Variants in DNAH9 observed in about 807,000 individuals in gnomAD.
DNAH9 encodes DNAH9 variant protein.
DNAH9 carries 345 observed loss-of-function variants against 471.6 expected under a neutral mutation model. The observed-to-expected ratio is 0.73, with a 90% CI of 0.67 to 0.80. The LOEUF is 0.80. DNAH9 is among the 30% of genes least tolerant of loss of function. The pLI is 0.00. For missense variants in DNAH9, 5,407 were observed against 5,609.2 expected (o/e 0.96, Z 1.15); for synonymous variants, 2,093 against 2,123.6 (o/e 0.99, Z 0.40).
At position 11,826,709 on chromosome 17, in the gene DNAH9, G is replaced by A. The variant is rs146282732; in HGVS notation, c.9246+3675G>A. ...GATCTCCTGACCTCGTGATCCGCCC[G>A]CCTCGGCGTCCCAAAGTGCTGGGAT... On this transcript the variant is annotated intron_variant, in intron 48 of 68. Transcript: ENST00000262442. 8.9e-3 allele frequency among the ~76,000 whole-genome samples: 1,348 copies of A among 151,116 alleles called. 10 individuals carry two copies. The highest frequency in any genetic ancestry group is 0.02 in the African/African-American group (836 of 41,210).
intron 50 of DNAH9, among the ~76,000 whole-genome samples, chr17:11,867,359 G>A (rs568237620): frequency 3.3e-5 from 5 of 152,076 alleles, no homozygotes; most frequent in African/African-American, 9.6e-5. Context: ...TTTTGTTACT[G>A]TTTGTTTTCT....
chr17:11,770,087 C>A (rs1968141281), intron 38 of DNAH9, among the ~76,000 whole-genome samples: 1 of 152,178 alleles, frequency 6.6e-6, no homozygotes, highest in African/African-American at 2.4e-5. Context: ...TTGGTCTGAG[C>A]TTTCCCAGGT....
intron 22 of DNAH9, among the ~76,000 whole-genome samples, chr17:11,698,021 A>G (rs924823978): frequency 6.8e-6 from 1 of 147,488 alleles, no homozygotes; most frequent in Non-Finnish European, 1.5e-5. Flanking sequence ...GTAAAGTTAT[A>G]TATAATTATG....
intron 10 of DNAH9, among the ~76,000 whole-genome samples, chr17:11,642,172 G>A (rs780004719): frequency 6.6e-6 from 1 of 152,124 alleles, no homozygotes; most frequent in Non-Finnish European, 1.5e-5. Flanking sequence ...CCCAAGAGGC[G>A]ATCTGGAAGG....
At chr17:11,660,585 A>G (rs1245194535) in intron 14 of DNAH9, among the ~76,000 whole-genome samples, 1 of 152,136 alleles carries the variant, frequency 6.6e-6, no homozygotes, top group Non-Finnish European at 1.5e-5. Context: ...GACCTCTCAA[A>G]CTGCTGGGAT....
At chr17:11,650,714 C>T (rs1341583451) in intron 12 of DNAH9, among the ~76,000 whole-genome samples, 2 of 152,180 alleles carry the variant, frequency 1.3e-5, no homozygotes, top group Non-Finnish European at 2.9e-5. Context: ...TTTAGGCCAC[C>T]ACCCTTGGAT....
At chr17:11,636,611 T>A (rs751410103) in intron 8 of DNAH9, 23 bp from the exon 9 acceptor site, 1 of 1,608,160 alleles carries the variant, frequency 6.2e-7, no homozygotes, top group Non-Finnish European at 8.5e-7. Flanking sequence ...TTTTTTCCTC[T>A]TTTTCCTCCA....
At chr17:11,725,232 G>C (rs967074773) in intron 27 of DNAH9, among the ~76,000 whole-genome samples, 1 of 152,188 alleles carries the variant, frequency 6.6e-6, no homozygotes, top group Non-Finnish European at 1.5e-5. Flanking sequence ...CTGATTTAAG[G>C]TACACAAACA....
intron 31 of DNAH9, among the ~76,000 whole-genome samples, chr17:11,745,665 CTTTGAAGGAAATTTTAAAAAATGATAT>C (rs2075513291): frequency 6.6e-6 from 1 of 152,172 alleles, no homozygotes; most frequent in Non-Finnish European, 1.5e-5. Flanking sequence ...TAATTAGCGT[CTTTGAAGGAAATTTTAAAAAATGATAT>C]CCATCAAACA....
At chr17:11,609,872 T>C (rs2072594445) in intron 2 of DNAH9, among the ~76,000 whole-genome samples, 1 of 152,206 alleles carries the variant, frequency 6.6e-6, no homozygotes, top group South Asian at 2.1e-4. Flanking sequence ...AATAAACTAT[T>C]TCCTCTTGCT....
Position 11,798,053 on chromosome 17 carries a change from CAAG to C in DNAH9, c.8420+263_8420+265del, listed in dbSNP as rs766773005. Reference sequence around the variant, plus strand: ...ATCCCGGGCATAATCACAGTGACAGCAAGAACAGACTTGAGATCATAAAATGGG... The same window carrying C: ...ATCCCGGGCATAATCACAGTGACAGCAACAGACTTGAGATCATAAAATGGG... On this transcript the variant is annotated intron_variant, in intron 43 of 68. Coordinates refer to ENST00000262442, the MANE Select transcript of DNAH9 (RefSeq NM_001372.4). Among the ~76,000 whole-genome samples, 33 of 152,030 alleles carry C rather than the reference CAAG, an allele frequency of 2.2e-4. 1 individual carries two copies. Among genetic ancestry groups the C allele is most frequent in the Non-Finnish European group, 4.4e-4 (30 of 68,004 alleles).
intron 28 of DNAH9, among the ~76,000 whole-genome samples, chr17:11,729,625 T>C (rs1175444283): frequency 6.6e-6 from 1 of 152,132 alleles, no homozygotes; most frequent in Non-Finnish European, 1.5e-5. Context: ...TTGACTGACA[T>C]TTTTCTAAGG....
intron 49 of DNAH9, among the ~76,000 whole-genome samples, chr17:11,836,822 CA>C (rs1359762535): frequency 2.6e-5 from 4 of 152,182 alleles, no homozygotes; most frequent in African/African-American, 7.2e-5. Context: ...CATTCCTTGC[CA>C]AGAAGACAAA....
intron 50 of DNAH9, among the ~76,000 whole-genome samples, chr17:11,859,084 C>CA (rs56040033): frequency 0.043 from 2,758 of 64,292 alleles, 185 homozygotes; most frequent in African/African-American, 0.12. Flanking sequence ...AACCCCGTCT[C>CA]AAAAAAAAAA....
chr17:11,931,771 G>A (rs1013139518), intron 63 of DNAH9, among the ~76,000 whole-genome samples: 6 of 152,068 alleles, frequency 3.9e-5, no homozygotes, highest in South Asian at 2.1e-4. Flanking sequence ...TAGCACATCC[G>A]TATGCATAAA....
At chr17:11,664,237 G>A (rs2073826496) in intron 14 of DNAH9, among the ~76,000 whole-genome samples, 1 of 152,018 alleles carries the variant, frequency 6.6e-6, no homozygotes, top group Admixed American at 6.6e-5. Context: ...GGTCAAGAGT[G>A]TATCATGTAA....
chr17:11,757,341 C>T (rs552452511), intron 34 of DNAH9, among the ~76,000 whole-genome samples: 48 of 152,254 alleles, frequency 3.2e-4, no homozygotes, highest in African/African-American at 1.1e-3. Context: ...ATTCTCAAAG[C>T]TGCTCCCCAT....
intron 43 of DNAH9, among the ~76,000 whole-genome samples, chr17:11,804,669 T>C (rs1339491662): frequency 6.6e-6 from 1 of 152,018 alleles, no homozygotes; most frequent in Non-Finnish European, 1.5e-5. Context: ...GGTCAGGAGA[T>C]CGAGTCCATC....
chr17:11,785,785 AGGTCTTTG>A (rs1244149673), intron 41 of DNAH9, among the ~76,000 whole-genome samples: 1 of 152,236 alleles, frequency 6.6e-6, no homozygotes, highest in Admixed American at 6.5e-5. Context: ...ACTGGAATCT[AGGTCTTTG>A]GGTTCCTGGC....
Sources: allele counts gnomAD v4.1 joint callset (sites outside exome capture counted in the v4.1 genomes callset), GRCh38; gene constraint gnomAD v4.1.1; transcripts MANE v1.5; gene names NCBI Gene and HGNC (gene_info 2026-07-23, HGNC 2026-07-21).